NTM: variants seen among roughly 807,000 people sequenced by gnomAD.
NTM encodes the protein IgLON family member 2.
Under a neutral mutation model 42.1 loss-of-function variants are expected in NTM, and 13 were observed. That is an observed-to-expected ratio of 0.31 (90% CI 0.20 to 0.49). The LOEUF (loss-of-function observed/expected upper bound fraction) is 0.49. Ranked by LOEUF, NTM falls within the 20% of genes least tolerant of loss-of-function variation. The probability of loss-of-function intolerance (pLI) is 0.99; values close to 1 mark genes in which losing one functional copy is unlikely to be tolerated. For missense variants in NTM, 373 were observed against 452.8 expected, an observed-to-expected ratio of 0.82 and a Z score of 1.60; for synonymous variants, 187 against 179.2, an observed-to-expected ratio of 1.04 and a Z score of -0.35.
intron 1 of NTM, among the ~76,000 whole-genome samples, chr11:131,515,382 TC>T (rs2048769122): frequency 6.6e-6 from 1 of 152,158 alleles, no homozygotes; most frequent in Non-Finnish European, 1.5e-5. Context: ...AGCCCAGTCC[TC>T]TCCCTGTGGT....
At chr11:132,017,233 T>G (rs1043361761) in intron 2 of NTM, among the ~76,000 whole-genome samples, 2 of 152,026 alleles carry the variant, frequency 1.3e-5, no homozygotes, top group African/African-American at 4.8e-5. Flanking sequence ...ATGAAGATTT[T>G]TCTTCTACAT....
chr11:131,374,468 A>G (rs905754795), intron 1 of NTM, among the ~76,000 whole-genome samples: 6 of 152,220 alleles, frequency 3.9e-5, no homozygotes, highest in African/African-American at 1.2e-4. Flanking sequence ...AAAGCCAAAT[A>G]TAAGCCCCCA....
intron 3 of NTM, among the ~76,000 whole-genome samples, chr11:132,170,543 G>A (rs901928271): frequency 6.6e-6 from 1 of 152,120 alleles, no homozygotes; most frequent in Non-Finnish European, 1.5e-5. Context: ...AAAGTCCTTG[G>A]CATTTAATTA....
intron 1 of NTM, among the ~76,000 whole-genome samples, chr11:131,736,434 C>T (rs1217084764): frequency 6.6e-6 from 1 of 152,096 alleles, no homozygotes; most frequent in Non-Finnish European, 1.5e-5. Flanking sequence ...CTCTAAAAAC[C>T]ACATTATCTG....
rs78481090 is a variant in NTM, at chr11:132,330,779, C to G, written c.967+594C>G. Among the ~76,000 whole-genome samples, 695 of 152,290 alleles carry G rather than the reference C, an allele frequency of 4.6e-3. 7 individuals are homozygous for G. Among genetic ancestry groups the G allele is most frequent in the African/African-American group, 0.016 (666 of 41,578 alleles). ...CTGGTAATTAGTCTCTTTAGGCCTC[C>G]GCAGCTCTCTAATGAGATAGAGGCA... On this transcript the variant is annotated intron_variant, in intron 8 of 8. Coordinates refer to ENST00000683400, the MANE Select transcript of NTM (RefSeq NM_001352005.2).
chr11:132,136,429 T>A (rs2067930586), intron 2 of NTM, among the ~76,000 whole-genome samples: 1 of 151,992 alleles, frequency 6.6e-6, no homozygotes, highest in Non-Finnish European at 1.5e-5. Context: ...CCCTCTGGAG[T>A]TCTAGTTGTA....
intron 1 of NTM, among the ~76,000 whole-genome samples, chr11:131,543,616 G>A (rs577024601): frequency 1.6e-4 from 25 of 152,320 alleles, no homozygotes; most frequent in Admixed American, 1.0e-3. Context: ...CCCAAAGCCT[G>A]CTAGCAGCTC....
intron 1 of NTM, chr11:131,769,463 A>G (rs1400605488): frequency 4.2e-6 from 1 of 239,842 alleles, no homozygotes; most frequent in Non-Finnish European, 6.7e-6. Flanking sequence ...AAACTAAAGA[A>G]CAAAGAAGGA....
At chr11:131,450,055 GTT>G (rs1950368190) in intron 1 of NTM, among the ~76,000 whole-genome samples, 1 of 152,216 alleles carries the variant, frequency 6.6e-6, no homozygotes, top group Non-Finnish European at 1.5e-5. Flanking sequence ...CACAGCTGGA[GTT>G]ATAACGATTT....
rs185231100 is a variant in NTM, at chr11:131,583,255, T to C, written c.82+212367T>C. Reference sequence around the variant, plus strand: ...AGAAGCCTCTCTGCACCTTGAATTTTTCACTCATTTCAGAGAAATCCGTAG... The same window carrying C: ...AGAAGCCTCTCTGCACCTTGAATTTCTCACTCATTTCAGAGAAATCCGTAG... On this transcript the variant is annotated intron_variant, in intron 1 of 8. Transcript: ENST00000683400. Among the ~76,000 whole-genome samples, 424 of 152,292 alleles carry C rather than the reference T, an allele frequency of 2.8e-3. 2 individuals are homozygous for C. Among genetic ancestry groups the C allele is most frequent in the African/African-American group, 9.3e-3 (385 of 41,568 alleles).
chr11:132,314,843 G>C (rs953956833), intron 7 of NTM, 140 bp downstream of exon 7: 25 of 1,393,044 alleles, frequency 1.8e-5, no homozygotes, highest in Middle Eastern at 2.5e-4. Context: ...AAAAGAGAGA[G>C]ACACAGAAAG....
chr11:132,184,828 T>C (rs2078148824), intron 3 of NTM, among the ~76,000 whole-genome samples: 1 of 152,204 alleles, frequency 6.6e-6, no homozygotes, highest in South Asian at 2.1e-4. Context: ...CCACACAGCG[T>C]CATGAACGTA....
chr11:132,306,433 C>T (rs1374183228), intron 4 of NTM: 2 of 152,168 alleles, frequency 1.3e-5, no homozygotes, highest in African/African-American at 4.8e-5. Context: ...AGCTGTGCCT[C>T]CAACCAGATT....
chr11:131,491,892 G>A (rs1333539088), intron 1 of NTM, among the ~76,000 whole-genome samples: 1 of 152,156 alleles, frequency 6.6e-6, no homozygotes, highest in Non-Finnish European at 1.5e-5. Flanking sequence ...CTTATAATCC[G>A]ACAATAATAA....
chr11:131,567,169 G>C (rs2056975675), intron 1 of NTM, among the ~76,000 whole-genome samples: 1 of 151,956 alleles, frequency 6.6e-6, no homozygotes, highest in African/African-American at 2.4e-5. Context: ...GAAGAGAGGG[G>C]CTGGGAGATG....
At chr11:131,999,056 C>A (rs1470389914) in intron 2 of NTM, among the ~76,000 whole-genome samples, 1 of 152,110 alleles carries the variant, frequency 6.6e-6, no homozygotes, top group Admixed American at 6.6e-5. Flanking sequence ...TGCTGACAAC[C>A]TGAGGATCAA....
intron 1 of NTM, among the ~76,000 whole-genome samples, chr11:131,475,979 G>A (rs1326701099): frequency 6.6e-6 from 1 of 152,062 alleles, no homozygotes; most frequent in Non-Finnish European, 1.5e-5. Flanking sequence ...TATTTACCTG[G>A]AACTTGGCAG....
intron 2 of NTM, among the ~76,000 whole-genome samples, chr11:132,094,599 T>C (rs2060744050): frequency 1.3e-5 from 2 of 152,156 alleles, no homozygotes; most frequent in South Asian, 4.2e-4. Flanking sequence ...GACTGATTTG[T>C]TTAGATTGAG....
At chr11:132,115,498 C>T (rs933991747) in intron 2 of NTM, among the ~76,000 whole-genome samples, 3 of 152,016 alleles carry the variant, frequency 2.0e-5, no homozygotes, top group Middle Eastern at 3.4e-3. Context: ...AGATTAGGGC[C>T]GAAAACAAAG....
Sources: gnomAD v4.1 joint callset for allele counts (sites outside exome capture counted in the v4.1 genomes callset) on GRCh38, gnomAD v4.1.1 for gene constraint, MANE v1.5 for transcripts, NCBI Gene and HGNC (gene_info 2026-07-23, HGNC 2026-07-21) for gene names.